ANKS1B: variants seen among roughly 807,000 people sequenced by gnomAD.
The protein encoded by ANKS1B is ankyrin repeat and sterile alpha motif domain-containing protein 1B.
A neutral mutation model predicts 148.3 loss-of-function variants in ANKS1B; 36 were observed. The observed-to-expected ratio is 0.24, with a 90% confidence interval of 0.19 to 0.32. The LOEUF is 0.32. Ranked by LOEUF, ANKS1B falls within the 10% of genes least tolerant of loss-of-function variation. The probability of loss-of-function intolerance (pLI) is 1.00; values close to 1 mark genes in which losing one functional copy is unlikely to be tolerated. For missense variants in ANKS1B, 1,157 were observed against 1,542.6 expected, an observed-to-expected ratio of 0.75 and a Z score of 4.19; for synonymous variants, 542 against 560.8, an observed-to-expected ratio of 0.97 and a Z score of 0.47.
chr12:99,900,115 T>C (rs896445099), intron 1 of ANKS1B, among the ~76,000 whole-genome samples: 2 of 151,868 alleles, frequency 1.3e-5, no homozygotes, highest in African/African-American at 4.8e-5. Flanking sequence ...ACCAGGCTGG[T>C]CTCAAACTCC....
At chr12:99,505,498 G>A (rs928594228) in intron 9 of ANKS1B, among the ~76,000 whole-genome samples, 1 of 151,464 alleles carries the variant, frequency 6.6e-6, no homozygotes, top group Non-Finnish European at 1.5e-5. Context: ...TTGATTCTTT[G>A]ATATATTCTA....
intron 8 of ANKS1B, among the ~76,000 whole-genome samples, chr12:99,760,632 C>A (rs1481211688): frequency 2.7e-5 from 4 of 150,604 alleles, no homozygotes; most frequent in Admixed American, 2.0e-4. Context: ...AACATCACAC[C>A]CAGAGGAACT....
At chr12:99,605,912 C>T (rs905640917) in intron 9 of ANKS1B, among the ~76,000 whole-genome samples, 13 of 151,934 alleles carry the variant, frequency 8.6e-5, no homozygotes, top group Admixed American at 8.5e-4. Context: ...GAATTCCATG[C>T]CAATTTCCCT....
chr12:99,464,439 G>A lies in ANKS1B; in HGVS notation c.1439-20630C>T, dbSNP rs534544097. 4.0e-4 allele frequency among the ~76,000 whole-genome samples: 61 copies of A among 152,342 alleles called. No individual in the cohort carries two copies. In the South Asian group the frequency reaches 0.012, roughly 29 times the overall value. On this transcript the variant is annotated intron_variant, in intron 10 of 26. Transcript: ENST00000683438. The stretch of plus-strand genomic sequence containing the variant: ...CACCAGCAACAGAACAAAGCTGGAC[G>A]GAGAATGACTTTGACGAGTTGAGAG...
rs368940371 is a variant in ANKS1B, at chr12:99,244,321, T to G, written c.2419+21A>C. ...CCTTAAGCACATTTATTCATTATAA[T>G]GTAGAGGAAGGTTGCCTTACTTGTG... On this transcript the variant is annotated intron_variant, in intron 14 of 26. Coordinates refer to ENST00000683438, the MANE Select transcript of ANKS1B (RefSeq NM_001352186.2). 1.3e-5 allele frequency: 21 copies of G among 1,559,342 alleles called. No individual in the cohort carries two copies. The East Asian group carries it at 2.3e-4, about 17-fold the overall frequency.
intron 12 of ANKS1B, among the ~76,000 whole-genome samples, chr12:99,340,367 T>G (rs927826283): frequency 1.3e-5 from 2 of 152,128 alleles, no homozygotes; most frequent in African/African-American, 4.8e-5. Flanking sequence ...CAATTACTAG[T>G]TTCTCTTGGC....
At chr12:99,933,631 G>C (rs2094682967) in intron 1 of ANKS1B, among the ~76,000 whole-genome samples, 1 of 152,062 alleles carries the variant, frequency 6.6e-6, no homozygotes, top group Non-Finnish European at 1.5e-5. Flanking sequence ...AGTTCTAATA[G>C]TTTTTTGGTG....
At chr12:99,829,271 G>A (rs981154372) in intron 1 of ANKS1B, among the ~76,000 whole-genome samples, 20 of 152,104 alleles carry the variant, frequency 1.3e-4, no homozygotes, top group African/African-American at 4.8e-4. Context: ...AGCACTTTAG[G>A]AGACCAAAGT....
chr12:98,983,250 G>A (rs1379443842), intron 17 of ANKS1B, among the ~76,000 whole-genome samples: 2 of 152,074 alleles, frequency 1.3e-5, no homozygotes, highest in African/African-American at 4.8e-5. Context: ...TCAGGCTGTT[G>A]GAAACATTCA....
At chr12:99,854,217 T>G (rs539554834) in intron 1 of ANKS1B, among the ~76,000 whole-genome samples, 1 of 152,134 alleles carries the variant, frequency 6.6e-6, no homozygotes, top group South Asian at 2.1e-4. Flanking sequence ...TTTCACTGTG[T>G]TAGCCAGGAT....
chr12:98,804,419 A>ATTT, intron 20 of ANKS1B, among the ~76,000 whole-genome samples: 1 of 145,196 alleles, frequency 6.9e-6, no homozygotes. Context: ...ACCCCTGCCT[A>ATTT]TTTTTTTTTT....
At chr12:99,835,483 T>G (rs921543414) in intron 1 of ANKS1B, among the ~76,000 whole-genome samples, 1 of 152,126 alleles carries the variant, frequency 6.6e-6, no homozygotes, top group Non-Finnish European at 1.5e-5. Context: ...AATTTAAATT[T>G]TCTAGTAGCC....
intron 9 of ANKS1B, among the ~76,000 whole-genome samples, chr12:99,565,920 G>C (rs763615350): frequency 3.3e-5 from 5 of 152,152 alleles, no homozygotes; most frequent in Non-Finnish European, 7.3e-5. Flanking sequence ...GAGGGCTAGA[G>C]GACAATGCCC....
intron 25 of ANKS1B, among the ~76,000 whole-genome samples, chr12:98,755,152 A>G (rs946312382): frequency 3.9e-5 from 6 of 152,094 alleles, no homozygotes; most frequent in African/African-American, 1.4e-4. Context: ...ATGGGACCTC[A>G]GGACACATGT....
intron 12 of ANKS1B, among the ~76,000 whole-genome samples, chr12:99,258,332 T>C (rs2075526037): frequency 6.6e-6 from 1 of 151,982 alleles, no homozygotes; most frequent in African/African-American, 2.4e-5. Flanking sequence ...CCTTTTAAAA[T>C]AAGATCCCCC....
intron 9 of ANKS1B, among the ~76,000 whole-genome samples, chr12:99,541,147 G>A (rs987035773): frequency 1.3e-5 from 2 of 151,750 alleles, no homozygotes; most frequent in South Asian, 2.1e-4. Context: ...CATATATTAC[G>A]GCCAGGCTCA....
intron 12 of ANKS1B, among the ~76,000 whole-genome samples, chr12:99,280,030 T>G (rs191801211): frequency 6.6e-6 from 1 of 151,368 alleles, no homozygotes; most frequent in Admixed American, 6.6e-5. Flanking sequence ...AAATAAATAA[T>G]AATTAAAGGA....
rs138231699 is a variant in ANKS1B, at chr12:98,762,411, C to T, written c.3579+10631G>A. Among the ~76,000 whole-genome samples the T allele has an allele frequency of 7.7e-3, 1,170 of 152,276 alleles. 17 individuals are homozygous for T. Among genetic ancestry groups the T allele is most frequent in the African/African-American group, 0.027 (1,108 of 41,554 alleles). The stretch of plus-strand genomic sequence containing the variant: ...TGCTGTGCTAAACAGTGGCATGTTA[C>T]CCAGAGGCCAGACTGCAGGGCTCCA... On this transcript the variant is annotated intron_variant, in intron 25 of 26. Coordinates refer to ENST00000683438, the MANE Select transcript of ANKS1B (RefSeq NM_001352186.2).
intron 15 of ANKS1B, among the ~76,000 whole-genome samples, chr12:99,089,891 A>C (rs1230821275): frequency 6.6e-6 from 1 of 152,172 alleles, no homozygotes; most frequent in Non-Finnish European, 1.5e-5. Flanking sequence ...TCAATAAATA[A>C]AGTTGTTTAG....
Sources: gnomAD v4.1 joint callset for allele counts (sites outside exome capture counted in the v4.1 genomes callset) on GRCh38, gnomAD v4.1.1 for gene constraint, MANE v1.5 for transcripts, NCBI Gene and HGNC (gene_info 2026-07-23, HGNC 2026-07-21) for gene names.